Variants in EIF2B1 observed in about 807,000 individuals in gnomAD.
EIF2B1 encodes the protein translation initiation factor eIF2B subunit alpha.
EIF2B1 carries 30 observed loss-of-function variants against 36.8 expected under a neutral mutation model. That is an observed-to-expected ratio of 0.81 (90% CI 0.61 to 1.10). EIF2B1 has a LOEUF of 1.10. EIF2B1 is among the 50% of genes least tolerant of loss of function. EIF2B1 has a pLI of 0.00. For missense variants in EIF2B1, 271 were observed against 374.8 expected (o/e 0.72, Z 2.29); for synonymous variants, 139 against 142.2 (o/e 0.98, Z 0.16).
At chr12:123,631,676 C>A (rs570904494) in intron 2 of EIF2B1, among the ~76,000 whole-genome samples, 1 of 152,094 alleles carries the variant, frequency 6.6e-6, no homozygotes, top group African/African-American at 2.4e-5. Context: ...GGCATGGTGG[C>A]GGGCGCCTGT....
In EIF2B1 at chr12:123,622,799, T is replaced by C. The variant is rs775235099; in HGVS notation, c.628-38A>G. ...AAAATGGAATGGATGAGCTCTAGAG[T>C]GCATCTGAAGTAGAAGCCACAGAAA... On this transcript the variant is annotated intron_variant, in intron 7 of 8. Coordinates refer to ENST00000424014, the MANE Select transcript of EIF2B1 (RefSeq NM_001414.4). The C allele has an allele frequency of 2.5e-6, 4 of 1,611,826 alleles. No homozygotes were observed. In the Admixed American group the frequency reaches 5.0e-5, roughly 20 times the overall value.
At chr12:123,627,194 C>T (rs766184154) in intron 4 of EIF2B1, 38 bp from the exon 5 acceptor site, 3 of 1,545,464 alleles carry the variant, frequency 1.9e-6, no homozygotes, top group African/African-American at 1.4e-5. Context: ...GGGCAGGCTC[C>T]TTGCTGCTCA....
In EIF2B1 at chr12:123,630,124, C is replaced by T. The variant is rs73416221; in HGVS notation, c.369+45G>A. 2.1e-3 allele frequency: 3,288 copies of T among 1,576,940 alleles called. 55 individuals carry two copies. The African/African-American group carries it at 0.036, about 17-fold the overall frequency. ...GGATTTTACCCCAGGCAGTCGGACT[C>T]GAAACCGTTGCTCCTCCTTACCACC... On this transcript the variant is annotated intron_variant, in intron 4 of 8. Coordinates refer to ENST00000424014, the MANE Select transcript of EIF2B1 (RefSeq NM_001414.4). This position sits in a 1 kb window ranked among gnomAD's most constrained non-coding sequence, Gnocchi z 4.6.
chr12:123,630,784 GGCTCAC>G lies in EIF2B1; in HGVS notation c.116-257_116-252del. Among the ~76,000 whole-genome samples, 1 of 152,328 alleles carries G rather than the reference GGCTCAC, an allele frequency of 6.6e-6. No individual in the cohort carries two copies. The highest frequency in any genetic ancestry group is 1.9e-4 in the East Asian group (1 of 5,190). ...ATAAAGCTGGGTGGCTGGGCATGGT[GGCTCAC>G]GCCTGTAATCTCAGCACTTTGGGAG... is the stretch of plus-strand genomic sequence containing the variant. On this transcript the variant is annotated intron_variant, in intron 2 of 8. Coordinates refer to ENST00000424014, the MANE Select transcript of EIF2B1 (RefSeq NM_001414.4). The surrounding 1 kb of genome is among the most constrained non-coding windows in gnomAD (Gnocchi z 4.6).
rs757353248 is a variant in EIF2B1 at position 123,633,617 on chromosome 12, T to A, written c.-60A>T. 1.9e-6 allele frequency: 3 copies of A among 1,598,674 alleles called. No individual in the cohort carries two copies. Among genetic ancestry groups the A allele is most frequent in the South Asian group, 2.2e-5 (2 of 90,914 alleles). ...AGCCGCCCGCGCTGTCTCGAACGGG[T>A]CCGCCGGCCGCGCCGCCTGCGAGCC... is the stretch of plus-strand genomic sequence containing the variant. On this transcript the variant is annotated 5_prime_UTR_variant, in exon 1 of 9. Transcript: ENST00000424014.
intron 2 of EIF2B1, among the ~76,000 whole-genome samples, chr12:123,631,889 G>A (rs1244649521): frequency 6.6e-6 from 1 of 151,858 alleles, no homozygotes. Flanking sequence ...CAGGAGAATC[G>A]CTTGAACTTG....
chr12:123,628,906 T>C (rs917044117), intron 4 of EIF2B1, among the ~76,000 whole-genome samples: 1 of 152,202 alleles, frequency 6.6e-6, no homozygotes, highest in East Asian at 1.9e-4. Context: ...AGTAGGTGAC[T>C]GCAGGTAAAG....
rs761516758 is a variant in EIF2B1 at position 123,621,881 on chromosome 12, C to T, written c.793G>A (p.Asp265Asn). 1.2e-6 allele frequency: 2 copies of T among 1,614,078 alleles called. No individual in the cohort carries two copies. The highest frequency in any genetic ancestry group is 1.7e-6 in the Non-Finnish European group (2 of 1,180,028). Residue 265 changes from aspartate to asparagine, a missense_variant, in exon 9 of 9, where the codon GAC (aspartate) becomes AAC (asparagine). Coordinates refer to ENST00000424014, the MANE Select transcript of EIF2B1 (RefSeq NM_001414.4). The stretch of plus-strand genomic sequence containing the variant: ...ACCCACGGATGCTCCTCTTTGAGGT[C>T]TTGTCCAGTCTGCGCGACCTTGAGA... The part of the protein sequence containing the change: ...DTLKVAQTGQ[D>N]LKEEHPWVDY...
Position 123,633,615 on chromosome 12 carries a change from G to C in EIF2B1, c.-58C>G, listed in dbSNP as rs370886265. On this transcript the variant is annotated 5_prime_UTR_variant, in exon 1 of 9. Coordinates refer to ENST00000424014, the MANE Select transcript of EIF2B1 (RefSeq NM_001414.4). ...CGAGCCGCCCGCGCTGTCTCGAACG[G>C]GTCCGCCGGCCGCGCCGCCTGCGAG... The C allele has an allele frequency of 5.5e-4, 877 of 1,599,796 alleles. 6 individuals carry two copies. The African/African-American group carries it at 0.011, about 19-fold the overall frequency.
At chr12:123,625,642 C>T (rs1167730924) in intron 6 of EIF2B1, among the ~76,000 whole-genome samples, 1 of 152,228 alleles carries the variant, frequency 6.6e-6, no homozygotes, top group Non-Finnish European at 1.5e-5. Context: ...CAAGAGATCA[C>T]TACTCTTGTT....
At chr12:123,623,340 T>C (rs1955122984) in intron 7 of EIF2B1, among the ~76,000 whole-genome samples, 1 of 152,038 alleles carries the variant, frequency 6.6e-6, no homozygotes, top group Non-Finnish European at 1.5e-5. Flanking sequence ...GAGCCAAGAC[T>C]GTGCCATTGC....
Position 123,620,614 on chromosome 12 carries a change from ATATAT to A in EIF2B1, c.*1137_*1141del, listed in dbSNP as rs1566211456. The A allele has an allele frequency of 7.6e-3, 675 of 88,840 alleles. 17 individuals are homozygous for A. Among genetic ancestry groups the A allele is most frequent in the African/African-American group, 0.025 (603 of 24,250 alleles). The allele number at this position is 88,840 out of a possible 1,614,324, so 5.5% of individuals were successfully genotyped here. On this transcript the variant is annotated 3_prime_UTR_variant, in exon 9 of 9. Coordinates refer to ENST00000424014, the MANE Select transcript of EIF2B1 (RefSeq NM_001414.4). ...TATATATATATATATATATATATAT[ATATAT>A]ATATATATAAGCTCTTTTTTCTGAG...
At position 123,630,714 on chromosome 12, in the gene EIF2B1, T is replaced by C. The variant is rs1955181168; in HGVS notation, c.116-181A>G. On this transcript the variant is annotated intron_variant, in intron 2 of 8. Transcript: ENST00000424014. The surrounding 1 kb of genome is among the most constrained non-coding windows in gnomAD (Gnocchi z 4.6). ...GGTAGGGTTCTGCTGTGATGGAGTT[T>C]TGATTGTAATAGAGGAAGCGGATAG... 6.6e-6 allele frequency among the ~76,000 whole-genome samples: 1 copy of C among 152,166 alleles called. No individual in the cohort carries two copies. The highest frequency in any genetic ancestry group is 1.5e-5 in the Non-Finnish European group (1 of 68,030).
At chr12:123,625,042 G>A (rs977866594) in intron 6 of EIF2B1, among the ~76,000 whole-genome samples, 180 bp from the exon 7 acceptor site, 7 of 151,908 alleles carry the variant, frequency 4.6e-5, no homozygotes, top group African/African-American at 1.7e-4. Context: ...GTGTTTTCTG[G>A]TCATGACCCT....
intron 6 of EIF2B1, 109 bp from the exon 7 acceptor site, chr12:123,624,971 A>G (rs1955137397): frequency 9.7e-7 from 1 of 1,030,908 alleles, no homozygotes; most frequent in Admixed American, 1.9e-5. Context: ...TCCTCCCATA[A>G]CTACCTGTTT....
rs1407336014 is a variant in EIF2B1 at position 123,631,483 on chromosome 12, G to A, written c.115+862C>T. Among the ~76,000 whole-genome samples, 13 of 151,790 alleles carry A rather than the reference G, an allele frequency of 8.6e-5. No homozygotes were observed. In the East Asian group the frequency reaches 2.5e-3, roughly 29 times the overall value. On this transcript the variant is annotated intron_variant, in intron 2 of 8. Transcript: ENST00000424014. ...AGGCTAGGAGTTTAAGACCACTGTG[G>A]CCAACATGGTGAAACCCTGTCTCTA...
Position 123,621,497 on chromosome 12 carries a change from T to G in EIF2B1, c.*259A>C, listed in dbSNP as rs933794694. ...TCAGTTAAGTAGCCAATTATCTAAC[T>G]TGTATTTCTGGAAACTGAAAAGGAA... is the stretch of plus-strand genomic sequence containing the variant. On this transcript the variant is annotated 3_prime_UTR_variant, in exon 9 of 9. Transcript: ENST00000424014. 1.2e-5 allele frequency: 6 copies of G among 492,966 alleles called. No homozygotes were observed. Among genetic ancestry groups the G allele is most frequent in the African/African-American group, 7.8e-5 (4 of 51,228 alleles). 30.5% of individuals were successfully genotyped at this position (492,966 alleles called of 1,614,324 possible).
At chr12:123,622,124 TAACA>T (rs370549307) in intron 8 of EIF2B1, among the ~76,000 whole-genome samples, 50 of 152,288 alleles carry the variant, frequency 3.3e-4, no homozygotes, top group South Asian at 1.2e-3. Context: ...AGCTGTAGTG[TAACA>T]AACTTAAATC....
chr12:123,629,105 A>T (rs2135765362), intron 4 of EIF2B1, among the ~76,000 whole-genome samples: 1 of 152,306 alleles, frequency 6.6e-6, no homozygotes, highest in South Asian at 2.1e-4. Context: ...TTTATTTAAT[A>T]ACATACTTCA....
Sources: allele counts gnomAD v4.1 joint callset (sites outside exome capture counted in the v4.1 genomes callset), GRCh38; gene constraint gnomAD v4.1.1; non-coding constraint Gnocchi (gnomAD v3.1); transcripts MANE v1.5; gene names NCBI Gene and HGNC (gene_info 2026-07-23, HGNC 2026-07-21).